The following FAAH2 variants were observed in gnomAD, a reference collection of about 807,000 sequenced individuals.
The protein encoded by FAAH2 is fatty-acid amide hydrolase 2.
FAAH2 carries 60 observed loss-of-function variants against 36.9 expected under a neutral mutation model. That is an observed-to-expected ratio of 1.63 (90% CI 1.32 to 2.02). The LOEUF (loss-of-function observed/expected upper bound fraction) is 2.02, where lower values mean the gene tolerates loss of function less well. FAAH2 is among the 30% of genes most tolerant of loss of function. FAAH2 has a pLI of 0.00. For missense variants in FAAH2, 689 were observed against 397.5 expected (o/e 1.73, Z -6.23); for synonymous variants, 214 against 143.8 (o/e 1.49, Z -3.49).
chrX:57,330,501 C>G (rs1017548837), intron 3 of FAAH2, among the ~76,000 whole-genome samples: 2 of 111,391 alleles, frequency 1.8e-5, no homozygotes, highest in Admixed American at 9.5e-5. Flanking sequence ...AATTTTGCCC[C>G]GGTCCTGAGG....
chrX:57,271,805 G>T, the FAAH2 span, among the ~76,000 whole-genome samples: 1 of 111,061 alleles, frequency 9.0e-6, no homozygotes, highest in Non-Finnish European at 1.9e-5. Flanking sequence ...AAAAAAAAGT[G>T]CTAAAAGGAT....
At chrX:57,479,266 C>T (rs1569373179) in intron 10 of FAAH2, among the ~76,000 whole-genome samples, 1 of 111,464 alleles carries the variant, frequency 9.0e-6, no homozygotes, top group Non-Finnish European at 1.9e-5. Flanking sequence ...AATGGGAGTT[C>T]ACTCATGATT....
chrX:57,288,053 T>C (rs2051860017), intron 1 of FAAH2, among the ~76,000 whole-genome samples: 1 of 111,387 alleles, frequency 9.0e-6, no homozygotes, highest in Non-Finnish European at 1.9e-5. Context: ...GCAAAAGTAA[T>C]TGTGATTTTG....
the FAAH2 span, among the ~76,000 whole-genome samples, chrX:57,142,084 T>C: frequency 8.9e-6 from 1 of 112,231 alleles, no homozygotes; most frequent in East Asian, 2.8e-4. Flanking sequence ...TCTTTTGCAT[T>C]GTCTTTCAGT....
At chrX:57,462,530 T>C (rs1361258923) in intron 10 of FAAH2, among the ~76,000 whole-genome samples, 1 of 111,660 alleles carries the variant, frequency 9.0e-6, no homozygotes, top group Non-Finnish European at 1.9e-5. Flanking sequence ...ACATAACCCA[T>C]CACATAAAGA....
intron 5 of FAAH2, among the ~76,000 whole-genome samples, chrX:57,363,349 T>C (rs1038139138): frequency 2.1e-4 from 24 of 111,702 alleles, no homozygotes; most frequent in African/African-American, 7.8e-4. Context: ...ATATATTACA[T>C]TCTTCATTTG....
At chrX:57,247,668 C>G in the FAAH2 span, among the ~76,000 whole-genome samples, 10 of 111,877 alleles carry the variant, frequency 8.9e-5, no homozygotes, top group South Asian at 1.9e-3. Context: ...TATTTGTATT[C>G]CAGGCTGTAA....
At chrX:57,423,126 G>T (rs995414052) in intron 7 of FAAH2, among the ~76,000 whole-genome samples, 1 of 112,017 alleles carries the variant, frequency 8.9e-6, no homozygotes, top group Non-Finnish European at 1.9e-5. Flanking sequence ...GAGTGGCATT[G>T]GGAAGTGCTT....
chrX:57,407,099 A>G lies in FAAH2; in HGVS notation c.997-24819A>G, dbSNP rs141255719. Among the ~76,000 whole-genome samples the G allele has an allele frequency of 2.1e-3, 232 of 111,908 alleles. 1 individual carries two copies. The highest frequency in any genetic ancestry group is 7.5e-3 in the African/African-American group (231 of 30,821). Reference sequence around the variant, plus strand: ...GAGGGCTCTGCTCCCCATTCCCATAATGGTGGCTCATGCCAAAGGCTAGAT... The same window carrying G: ...GAGGGCTCTGCTCCCCATTCCCATAGTGGTGGCTCATGCCAAAGGCTAGAT... On this transcript the variant is annotated intron_variant, in intron 7 of 10. Transcript: ENST00000374900.
At chrX:57,467,662 C>T (rs868009902) in intron 10 of FAAH2, among the ~76,000 whole-genome samples, 1 of 112,061 alleles carries the variant, frequency 8.9e-6, no homozygotes, top group Non-Finnish European at 1.9e-5. Flanking sequence ...TCTGTAGACT[C>T]CACCTCTGGG....
At chrX:57,410,926 T>G (rs2055682799) in intron 7 of FAAH2, among the ~76,000 whole-genome samples, 1 of 111,909 alleles carries the variant, frequency 8.9e-6, no homozygotes, top group Non-Finnish European at 1.9e-5. Flanking sequence ...AATTTGTAGT[T>G]CTATATTTCT....
At chrX:57,341,030 C>T (rs1276043773) in intron 4 of FAAH2, among the ~76,000 whole-genome samples, 1 of 110,852 alleles carries the variant, frequency 9.0e-6, no homozygotes, top group African/African-American at 3.3e-5. Context: ...AACACAGACC[C>T]GGGGAAGAAA....
intron 5 of FAAH2, among the ~76,000 whole-genome samples, chrX:57,358,377 C>G (rs2054211451): frequency 9.0e-6 from 1 of 110,759 alleles, no homozygotes; most frequent in African/African-American, 3.3e-5. Flanking sequence ...CATCTCCTGA[C>G]AATCATCATT....
chrX:57,244,238 G>A, the FAAH2 span, among the ~76,000 whole-genome samples: 1 of 110,197 alleles, frequency 9.1e-6, no homozygotes, highest in African/African-American at 3.3e-5. Context: ...AAAGTATATG[G>A]GACCATGTGA....
At chrX:57,337,722 T>G (rs2053589190) in intron 4 of FAAH2, among the ~76,000 whole-genome samples, 1 of 112,070 alleles carries the variant, frequency 8.9e-6, no homozygotes, top group African/African-American at 3.2e-5. Context: ...TGTTAAAAAC[T>G]TTTAATAAAC....
At position 57,471,438 on chromosome X, in the gene FAAH2, C is replaced by T. The variant is rs12835625; in HGVS notation, c.1424-17319C>T. On this transcript the variant is annotated intron_variant, in intron 10 of 10. Coordinates refer to ENST00000374900, the MANE Select transcript of FAAH2 (RefSeq NM_174912.4). ...TCAATGTGCAAAAATCACAATCATTCTTATACACCCATAACAGATAGAGAA... is the reference window on the plus strand; with the variant it reads ...TCAATGTGCAAAAATCACAATCATTTTTATACACCCATAACAGATAGAGAA... Among the ~76,000 whole-genome samples, 3 of 111,770 alleles carry T rather than the reference C, an allele frequency of 2.7e-5. No individual in the cohort carries two copies. The South Asian group carries it at 1.1e-3, about 42-fold the overall frequency.
the FAAH2 span, among the ~76,000 whole-genome samples, chrX:57,146,758 A>T: frequency 8.9e-6 from 1 of 111,989 alleles, no homozygotes; most frequent in South Asian, 3.7e-4. Context: ...GATTTTGCTG[A>T]GGATTTCAAT....
the FAAH2 span, among the ~76,000 whole-genome samples, chrX:57,225,916 T>C: frequency 8.9e-6 from 1 of 112,472 alleles, no homozygotes; most frequent in Non-Finnish European, 1.9e-5. Flanking sequence ...TTTTAACCAC[T>C]GTTGCTTTAA....
intron 10 of FAAH2, among the ~76,000 whole-genome samples, chrX:57,482,890 T>C (rs1160227737): frequency 9.1e-6 from 1 of 110,034 alleles, no homozygotes; most frequent in Non-Finnish European, 1.9e-5. Context: ...CTTAGCCTGA[T>C]TGGTTTTGTT....
Sources: gnomAD v4.1 joint callset for allele counts (sites outside exome capture counted in the v4.1 genomes callset) on GRCh38, gnomAD v4.1.1 for gene constraint, MANE v1.5 for transcripts, NCBI Gene and HGNC (gene_info 2026-07-23, HGNC 2026-07-21) for gene names.